The following SHISAL2B variants were observed in gnomAD, a reference collection of about 807,000 sequenced individuals.
SHISAL2B encodes protein shisa-like-2B.
SHISAL2B carries 12 observed loss-of-function variants against 16.5 expected under a neutral mutation model. The observed-to-expected ratio is 0.73, with a 90% confidence interval of 0.47 to 1.18. The LOEUF is 1.18. Among genes scored for constraint, SHISAL2B ranks in the 50% most tolerant of loss-of-function variants. SHISAL2B has a pLI of 0.00. For synonymous variants in SHISAL2B, 72 were observed against 75.0 expected, an observed-to-expected ratio of 0.96 and a Z score of 0.21; for missense variants, 183 against 193.6, an observed-to-expected ratio of 0.95 and a Z score of 0.33.
intron 2 of SHISAL2B, among the ~76,000 whole-genome samples, chr5:64,709,958 T>G (rs932007984): frequency 1.0e-4 from 15 of 150,726 alleles, no homozygotes; most frequent in Non-Finnish European, 2.1e-4. Flanking sequence ...ATGAGTAGGT[T>G]GCGAAAATTT....
At chr5:64,691,903 T>C in intron 1 of SHISAL2B, among the ~76,000 whole-genome samples, 1 of 152,206 alleles carries the variant, frequency 6.6e-6, no homozygotes, top group East Asian at 1.9e-4. Flanking sequence ...GTCTCCTACA[T>C]GACCCAGAAT....
rs186611757 is a variant in SHISAL2B, at chr5:64,698,157, G to A, written c.349+2493G>A. ...AGGTAAAGTTGCAGTTCATAAATTT[G>A]TGCCTAAGAATCATGTAGAGAGCTT... On this transcript the variant is annotated intron_variant, in intron 2 of 2. Coordinates refer to ENST00000389074, the MANE Select transcript of SHISAL2B (RefSeq NM_001164442.2). Among the ~76,000 whole-genome samples the A allele has an allele frequency of 4.0e-3, 610 of 152,244 alleles. 2 individuals carry two copies. Among genetic ancestry groups the A allele is most frequent in the African/African-American group, 0.014 (568 of 41,534 alleles).
intron 2 of SHISAL2B, among the ~76,000 whole-genome samples, chr5:64,710,076 A>G (rs1741937722): frequency 6.8e-6 from 1 of 146,180 alleles, no homozygotes; most frequent in Non-Finnish European, 1.5e-5. Context: ...TTTTGTTGCC[A>G]TTGCTTTTGG....
At chr5:64,711,263 G>A (rs1481279581) in intron 2 of SHISAL2B, among the ~76,000 whole-genome samples, 1 of 144,746 alleles carries the variant, frequency 6.9e-6, no homozygotes, top group Non-Finnish European at 1.5e-5. Flanking sequence ...GTTGAATTTT[G>A]TCAAAGGCTT....
chr5:64,708,695 A>C (rs1741907713), intron 2 of SHISAL2B, among the ~76,000 whole-genome samples: 1 of 152,026 alleles, frequency 6.6e-6, no homozygotes, highest in African/African-American at 2.4e-5. Flanking sequence ...TTATTTCTTA[A>C]ATTTTTCATG....
chr5:64,709,209 A>C (rs868161440), intron 2 of SHISAL2B, among the ~76,000 whole-genome samples: 1 of 112,802 alleles, frequency 8.9e-6, no homozygotes, highest in Non-Finnish European at 1.7e-5. Context: ...CACCACAGTC[A>C]CCAGAGTGTG....
chr5:64,713,023 A>C (rs922966448), intron 2 of SHISAL2B, among the ~76,000 whole-genome samples: 5 of 151,664 alleles, frequency 3.3e-5, no homozygotes, highest in Admixed American at 6.6e-5. Flanking sequence ...TTAATTGGAG[A>C]ATTTAGTCCA....
At chr5:64,712,732 G>A (rs1420962504) in intron 2 of SHISAL2B, among the ~76,000 whole-genome samples, 1 of 152,108 alleles carries the variant, frequency 6.6e-6, no homozygotes, top group Non-Finnish European at 1.5e-5. Flanking sequence ...CCTGTATTGG[G>A]TGCATATATA....
chr5:64,695,172 C>T (rs533633511), intron 1 of SHISAL2B, among the ~76,000 whole-genome samples: 11 of 150,886 alleles, frequency 7.3e-5, no homozygotes, highest in Admixed American at 2.0e-4. Flanking sequence ...GGCTGAGGCA[C>T]GAGAATCACT....
At chr5:64,693,934 A>G (rs1429558182) in intron 1 of SHISAL2B, among the ~76,000 whole-genome samples, 1 of 152,144 alleles carries the variant, frequency 6.6e-6, no homozygotes, top group Non-Finnish European at 1.5e-5. Context: ...TCAGGAGGCA[A>G]TCTCTTCTTT....
chr5:64,708,236 A>G (rs1175691542), intron 2 of SHISAL2B, among the ~76,000 whole-genome samples: 1 of 152,216 alleles, frequency 6.6e-6, no homozygotes, highest in Non-Finnish European at 1.5e-5. Flanking sequence ...TGCTTCCTGT[A>G]TGATTTCTAT....
At position 64,690,693 on chromosome 5, in the gene SHISAL2B, T is replaced by C. The variant is rs576944799; in HGVS notation, c.70T>C (p.Cys24Arg). 1.2e-5 allele frequency: 19 copies of C among 1,534,968 alleles called. No individual in the cohort carries two copies. In the Admixed American group the frequency reaches 2.9e-4, roughly 24 times the overall value. Residue 24 changes from cysteine (C) to arginine (R), a missense_variant, in exon 1 of 3, where the codon TGC (cysteine) becomes CGC (arginine). Physicochemically the swap from Cys to Arg is radical, Grantham distance 180 (BLOSUM62 -3). Coordinates refer to ENST00000389074, the MANE Select transcript of SHISAL2B (RefSeq NM_001164442.2). ...LNQSFVEPFQCPRRGEGAALQ... is the reference protein window; with the variant it reads ...LNQSFVEPFQRPRRGEGAALQ... ...CCAGAGCTTCGTGGAGCCCTTCCAGTGCCCCCGGCGCGGCGAGGGGGCAGC... is the reference window on the plus strand; with the variant it reads ...CCAGAGCTTCGTGGAGCCCTTCCAGCGCCCCCGGCGCGGCGAGGGGGCAGC...
intron 2 of SHISAL2B, among the ~76,000 whole-genome samples, chr5:64,708,504 T>G (rs1741904183): frequency 2.0e-5 from 3 of 152,160 alleles, no homozygotes. Flanking sequence ...TAATAAGCCC[T>G]AATAAAGACA....
chr5:64,694,135 G>A (rs757337087), intron 1 of SHISAL2B: 1 of 454,422 alleles, frequency 2.2e-6, no homozygotes, highest in South Asian at 1.6e-5. Context: ...GAAGCCTAAA[G>A]GCAAGCCAGG....
rs920162179 is a variant in SHISAL2B at position 64,691,183 on chromosome 5, C to T, written c.191+369C>T. Reference sequence around the variant, plus strand: ...CAGGCTGATAGCCCTACTGGTGGAGCGCGAGGACAGGAAGATAACCCAAGG... The same window carrying T: ...CAGGCTGATAGCCCTACTGGTGGAGTGCGAGGACAGGAAGATAACCCAAGG... On this transcript the variant is annotated intron_variant, in intron 1 of 2. Transcript: ENST00000389074. 5 of 235,652 alleles carry T rather than the reference C, an allele frequency of 2.1e-5. No individual in the cohort carries two copies. The South Asian group carries it at 5.3e-4, about 25-fold the overall frequency. 14.6% of individuals were successfully genotyped at this position (235,652 alleles called of 1,614,324 possible). A position where few individuals can be genotyped will look rare whatever the true frequency, so the allele number is the denominator to read the frequency against.
Position 64,718,060 on chromosome 5 carries a change from G to A in SHISAL2B, c.*38G>A. 1 of 1,444,564 alleles carries A rather than the reference G, an allele frequency of 6.9e-7. No individual in the cohort carries two copies. The highest frequency in any genetic ancestry group is 3.3e-5 in the Admixed American group (1 of 30,238). 89.5% of individuals were successfully genotyped at this position (1,444,564 alleles called of 1,614,324 possible). On this transcript the variant is annotated 3_prime_UTR_variant, in exon 3 of 3. Transcript: ENST00000389074. ...TGTTTTAAATGCTTACTGGAGAGAT[G>A]GGACAATAAAAATAAAGCGTGCACT...
intron 2 of SHISAL2B, among the ~76,000 whole-genome samples, chr5:64,702,667 A>G (rs1432037908): frequency 6.6e-6 from 1 of 152,070 alleles, no homozygotes; most frequent in Non-Finnish European, 1.5e-5. Flanking sequence ...TAAATGTATT[A>G]GGTAATTATG....
intron 2 of SHISAL2B, among the ~76,000 whole-genome samples, chr5:64,700,451 C>G (rs1461560490): frequency 6.6e-6 from 1 of 152,162 alleles, no homozygotes; most frequent in African/African-American, 2.4e-5. Context: ...CGCTCTGTTG[C>G]CCAGGCTGGA....
intron 2 of SHISAL2B, among the ~76,000 whole-genome samples, chr5:64,697,025 A>G (rs967055537): frequency 6.6e-6 from 1 of 152,180 alleles, no homozygotes; most frequent in African/African-American, 2.4e-5. Flanking sequence ...GGGCATCACC[A>G]TCCTACTGAT....
Sources: gnomAD v4.1 joint callset for allele counts (sites outside exome capture counted in the v4.1 genomes callset) on GRCh38, gnomAD v4.1.1 for gene constraint, MANE v1.5 for transcripts, NCBI Gene and HGNC (gene_info 2026-07-23, HGNC 2026-07-21) for gene names.